The following FAM234A variants were observed in gnomAD, a reference collection of about 807,000 sequenced individuals.
FAM234A encodes the protein family with sequence similarity 234 member A.
In FAM234A, 42 loss-of-function variants were observed where a neutral mutation model predicts 49.1. That is an observed-to-expected ratio of 0.86 (90% confidence interval 0.67 to 1.11). The LOEUF (loss-of-function observed/expected upper bound fraction) is 1.11, where lower values mean the gene tolerates loss of function less well. Among genes scored for constraint, FAM234A ranks in the 50% least tolerant of loss-of-function variants. The pLI is 0.00. For missense variants in FAM234A, 815 were observed against 745.2 expected (o/e 1.09, Z -1.09); for synonymous variants, 369 against 316.2 (o/e 1.17, Z -1.77).
At chr16:252,414 CT>C (rs2051057449) in intron 2 of FAM234A, among the ~76,000 whole-genome samples, 1 of 151,784 alleles carries the variant, frequency 6.6e-6, no homozygotes, top group South Asian at 2.1e-4. Context: ...ATCTCTTGAC[CT>C]TGTGATCTGC....
At position 254,629 on chromosome 16, in the gene FAM234A, T is replaced by G. The variant is rs2051158086; in HGVS notation, c.216T>G (p.Cys72Trp). The G allele has an allele frequency of 6.2e-7, 1 of 1,614,042 alleles. No individual in the cohort carries two copies. The highest frequency in any genetic ancestry group is 8.5e-7 in the Non-Finnish European group (1 of 1,180,002). Residue 72 changes from cysteine (C) to tryptophan (W), a missense_variant, in exon 3 of 13, where the codon TGT becomes TGG. Cys to Trp is a radical substitution (Grantham distance 215, BLOSUM62 -2). Transcript: ENST00000399932. ...VVFVVSFVIP[C>W]PDRPASQRMW... The stretch of plus-strand genomic sequence containing the variant: ...TCGTCGTCTCATTCGTCATCCCGTG[T>G]CCAGACCGGCCGGCGTCACAGCGAA...
chr16:246,578 C>G (rs1360023527), intron 1 of FAM234A, among the ~76,000 whole-genome samples: 5 of 150,432 alleles, frequency 3.3e-5, no homozygotes, highest in Admixed American at 6.6e-5. Flanking sequence ...CGCCACCACA[C>G]CCGGCTAATT....
At position 242,940 on chromosome 16, in the gene FAM234A, C is replaced by T. The variant is rs78086974; in HGVS notation, c.-139-6609C>T. ...GTCAGGTCTTTTACCTTAATTAATA[C>T]GTATTGTATTGACAAATTTTCTTTT... On this transcript the variant is annotated intron_variant, in intron 1 of 12. Coordinates refer to ENST00000399932, the MANE Select transcript of FAM234A (RefSeq NM_032039.4). Among the ~76,000 whole-genome samples, 69 of 151,502 alleles carry T rather than the reference C, an allele frequency of 4.6e-4. No individual in the cohort carries two copies. The East Asian group carries it at 0.012, about 26-fold the overall frequency.
At chr16:263,927 C>T in intron 10 of FAM234A, 89 bp from the exon 11 acceptor site, 1 of 1,480,254 alleles carries the variant, frequency 6.8e-7, no homozygotes, top group South Asian at 1.2e-5. Context: ...CCAGGGCTGG[C>T]ATGGCTGAGG....
At chr16:236,265 T>C (rs1596720927) in intron 1 of FAM234A, among the ~76,000 whole-genome samples, 1 of 151,860 alleles carries the variant, frequency 6.6e-6, no homozygotes, top group Admixed American at 6.6e-5. Context: ...CCTCTTTTTT[T>C]CCTTTTGCTC....
At chr16:262,652 G>A (rs2051518048) in intron 8 of FAM234A, 99 bp downstream of exon 8, 1 of 1,276,670 alleles carries the variant, frequency 7.8e-7, no homozygotes, top group Non-Finnish European at 1.0e-6. Context: ...GCCCAGAGCA[G>A]CCCCACCGGC....
At chr16:267,302 T>G (rs966080400), downstream of FAM234A, among the ~76,000 whole-genome samples, 1 of 152,050 alleles carries the variant, frequency 6.6e-6, no homozygotes, top group African/African-American at 2.4e-5. Context: ...CAGAGCACAG[T>G]GCCCTGGCTG....
At chr16:269,030 G>T, downstream of FAM234A, 1 of 1,302,980 alleles carries the variant, frequency 7.7e-7, no homozygotes, top group Non-Finnish European at 1.1e-6. Context: ...CCTGACCCAA[G>T]CTGAGCCAAT....
At chr16:268,862 T>G (rs1332382377), downstream of FAM234A, 6 of 1,550,250 alleles carry the variant, frequency 3.9e-6, no homozygotes, top group South Asian at 7.1e-5. Context: ...GACGGGTGTG[T>G]GGGAAGCCGC....
downstream of FAM234A, chr16:269,768 T>G: frequency 1.7e-6 from 1 of 574,436 alleles, no homozygotes; most frequent in Non-Finnish European, 3.1e-6. Flanking sequence ...AGACCTGGGC[T>G]CCCGTCTGCC....
chr16:261,423 A>C lies in FAM234A; in HGVS notation c.617A>C (p.Asn206Thr). Residue 206 changes from asparagine (N) to threonine (T), a missense_variant, in exon 6 of 13, where the codon AAT (asparagine) becomes ACT (threonine). By Grantham distance (65) the Asn-to-Thr change is moderately conservative (BLOSUM62 0). Transcript: ENST00000399932. ...LWNHSSSFSG[N>T]ASILSPLLQV... ...AACCACAGCAGCAGCTTCAGCGGGA[A>C]TGCGTCCATCCTGAGCCCTCTGCTG... 1.2e-6 allele frequency: 2 copies of C among 1,613,356 alleles called. No individual in the cohort carries two copies. Among genetic ancestry groups the C allele is most frequent in the Non-Finnish European group, 1.7e-6 (2 of 1,179,608 alleles).
chr16:266,821 G>A (rs1039280321), downstream of FAM234A, among the ~76,000 whole-genome samples: 1 of 152,182 alleles, frequency 6.6e-6, no homozygotes, highest in Non-Finnish European at 1.5e-5. Context: ...AGAACCGCCA[G>A]GCGGGCAGGG....
At chr16:264,563 G>A in intron 11 of FAM234A, 51 bp from the exon 12 acceptor site, 1 of 1,222,246 alleles carries the variant, frequency 8.2e-7, no homozygotes, top group Non-Finnish European at 1.2e-6. Context: ...GCAGTGTCCT[G>A]TGGGAGTGCT....
chr16:264,328 G>A (rs1308674386), intron 11 of FAM234A, among the ~76,000 whole-genome samples, 157 bp downstream of exon 11: 1 of 152,228 alleles, frequency 6.6e-6, no homozygotes, highest in East Asian at 1.9e-4. Context: ...GCAAGCTGAG[G>A]CAAAGTGACC....
At chr16:257,530 G>A (rs532126287) in intron 3 of FAM234A, among the ~76,000 whole-genome samples, 1 of 152,150 alleles carries the variant, frequency 6.6e-6, no homozygotes, top group African/African-American at 2.4e-5. Context: ...ACAGGCGTGA[G>A]CCACCGCACT....
intron 8 of FAM234A, 75 bp from the exon 9 acceptor site, chr16:263,187 G>A (rs1483983980): frequency 6.5e-6 from 10 of 1,548,998 alleles, no homozygotes; most frequent in South Asian, 1.1e-5. Context: ...TGAGACGGGC[G>A]GTGCCAGAGC....
Position 263,264 on chromosome 16 carries a change from C to G in FAM234A, c.974C>G (p.Ser325Cys), listed in dbSNP as rs1567225965. 10 of 1,612,452 alleles carry G rather than the reference C, an allele frequency of 6.2e-6. No homozygotes were observed. Among genetic ancestry groups the G allele is most frequent in the African/African-American group, 1.3e-5 (1 of 74,934 alleles). ...ATTRRMLSHSSGAVRYLMHVP... is the reference protein window; with the variant it reads ...ATTRRMLSHSCGAVRYLMHVP... Reference sequence around the variant, plus strand: ...CTTTCTCCCACTCTCCTGTCTAGCTCTGGAGCAGTGCGCTACCTGATGCAT... The same window carrying G: ...CTTTCTCCCACTCTCCTGTCTAGCTGTGGAGCAGTGCGCTACCTGATGCAT... The change falls in exon 9 of 13, where the codon TCT becomes TGT. Residue 325 changes from serine to cysteine, a missense_variant and splice_region_variant. Physicochemically the swap from Ser to Cys is moderately radical, Grantham distance 112. Transcript: ENST00000399932.
At position 261,327 on chromosome 16, in the gene FAM234A, G is replaced by A. The variant is rs910998485; in HGVS notation, c.578-57G>A. On this transcript the variant is annotated intron_variant, in intron 5 of 12. Transcript: ENST00000399932. ...GCCTGTCACAGGCCTTGCAGTTGCCGGGCTGCTGTTGAAGGGGACTCAGGG... is the reference window on the plus strand; with the variant it reads ...GCCTGTCACAGGCCTTGCAGTTGCCAGGCTGCTGTTGAAGGGGACTCAGGG... 2.9e-5 allele frequency: 46 copies of A among 1,577,366 alleles called. No homozygotes were observed. In the African/African-American group the frequency reaches 3.8e-4, roughly 13 times the overall value.
intron 5 of FAM234A, chr16:260,435 A>G (rs1465246825): frequency 1.9e-6 from 1 of 525,396 alleles, no homozygotes; most frequent in South Asian, 1.9e-5. Flanking sequence ...GTCACCTGCC[A>G]TGGGGTAGCA....
Sources: gnomAD v4.1 joint callset for allele counts (sites outside exome capture counted in the v4.1 genomes callset) on GRCh38, gnomAD v4.1.1 for gene constraint, MANE v1.5 for transcripts, NCBI Gene and HGNC (gene_info 2026-07-23, HGNC 2026-07-21) for gene names.